The following FIS1 variants were observed in gnomAD, a reference collection of about 807,000 sequenced individuals.
FIS1 encodes fission, mitochondrial 1.
FIS1 carries 16 observed loss-of-function variants against 21.6 expected under a neutral mutation model. The observed-to-expected ratio is 0.74, with a 90% confidence interval of 0.50 to 1.12. The LOEUF (loss-of-function observed/expected upper bound fraction) is 1.12. FIS1 is among the 50% of genes most tolerant of loss of function. The pLI is 0.00. For synonymous variants in FIS1, 92 were observed against 82.2 expected (o/e 1.12, Z -0.65); for missense variants, 198 against 190.9 (o/e 1.04, Z -0.22).
chr7:101,241,017 G>GGACTGTGACCC, intron 2 of FIS1, 111 bp from the exon 3 acceptor site: 2 of 1,042,516 alleles, frequency 1.9e-6, no homozygotes, highest in Non-Finnish European at 2.9e-6. Flanking sequence ...TCCTGGGAGG[G>GGACTGTGACCC]TCACAGTCCT....
chr7:101,244,765 C>T (rs1798793196), intron 1 of FIS1, 195 bp downstream of exon 1: 2 of 640,806 alleles, frequency 3.1e-6, no homozygotes, highest in Non-Finnish European at 5.5e-6. Flanking sequence ...GGGCTCAGGA[C>T]ACTACAACTC....
At chr7:101,241,345 C>T (rs985142576) in intron 2 of FIS1, among the ~76,000 whole-genome samples, 1 of 152,024 alleles carries the variant, frequency 6.6e-6, no homozygotes, top group Non-Finnish European at 1.5e-5. Context: ...CTCGGTTTCC[C>T]GAGCAGCTGG....
At chr7:101,243,061 C>T (rs1270385920) in intron 2 of FIS1, among the ~76,000 whole-genome samples, 1 of 152,008 alleles carries the variant, frequency 6.6e-6, no homozygotes. Context: ...AAATACCATG[C>T]GATTTTATAT....
chr7:101,241,231 A>AT (rs1250645586), intron 2 of FIS1: 32 of 277,440 alleles, frequency 1.2e-4, no homozygotes, highest in East Asian at 4.1e-4. Flanking sequence ...CTGCTGTGGT[A>AT]TTTTTTTTCA....
In FIS1 at chr7:101,244,154, G is replaced by T. The variant is rs1175026580; in HGVS notation, c.46-15C>A. On this transcript the variant is annotated splice_polypyrimidine_tract_variant and intron_variant, in intron 1 of 4. Coordinates refer to ENST00000223136, the MANE Select transcript of FIS1 (RefSeq NM_016068.3). ...TTTTCAAACTTCTGCCACAGGGGAG[G>T]AAAGGAATCATTTAGAAATGTAGGG... The T allele has an allele frequency of 1.2e-6, 2 of 1,611,414 alleles. No homozygotes were observed. The highest frequency in any genetic ancestry group is 1.7e-6 in the Non-Finnish European group (2 of 1,178,514).
intron 1 of FIS1, 102 bp downstream of exon 1, chr7:101,244,858 C>G: frequency 1.3e-6 from 2 of 1,485,702 alleles, no homozygotes; most frequent in East Asian, 2.3e-5. Flanking sequence ...TTCGGCTTCC[C>G]TCGGCCAAGC....
chr7:101,240,875 C>G lies in FIS1; in HGVS notation c.210G>C (p.Gln70His). ...ELLPKGSKEEQRDYVFYLAVG... is the reference protein window; with the variant it reads ...ELLPKGSKEEHRDYVFYLAVG... ...CGGCCAGGTAGAAGACGTAATCCCGCTGTTCCTCCTTGCTCCCTTTGGGCA... is the reference window on the plus strand; with the variant it reads ...CGGCCAGGTAGAAGACGTAATCCCGGTGTTCCTCCTTGCTCCCTTTGGGCA... The change falls in exon 3 of 5, where the codon CAG (glutamine) becomes CAC (histidine). Residue 70 changes from glutamine to histidine, a missense_variant. Transcript: ENST00000223136. 6.2e-7 allele frequency: 1 copy of G among 1,614,150 alleles called. No individual in the cohort carries two copies. Among genetic ancestry groups the G allele is most frequent in the Non-Finnish European group, 8.5e-7 (1 of 1,180,044 alleles).
intron 2 of FIS1, among the ~76,000 whole-genome samples, chr7:101,242,490 T>G (rs935362880): frequency 4.1e-5 from 6 of 148,020 alleles, no homozygotes; most frequent in Admixed American, 1.3e-4. Context: ...TTTTATAGTT[T>G]TTTTTTTTTT....
Position 101,239,654 on chromosome 7 carries a change from C to T in FIS1, c.*152G>A, listed in dbSNP as rs1354827437. The T allele has an allele frequency of 5.5e-6, 4 of 726,140 alleles. No homozygotes were observed. The highest frequency in any genetic ancestry group is 1.7e-5 in the African/African-American group (1 of 57,556). The allele number at this position is 726,140 out of a possible 1,614,324, so 45.0% of individuals were successfully genotyped here. A position where few individuals can be genotyped will look rare whatever the true frequency, so the allele number is the denominator to read the frequency against. ...CGTTTTATTTACACTCATCCCAAAGCACATGATGGGGCTGAAGGACGAATC... is the reference window on the plus strand; with the variant it reads ...CGTTTTATTTACACTCATCCCAAAGTACATGATGGGGCTGAAGGACGAATC... On this transcript the variant is annotated 3_prime_UTR_variant, in exon 5 of 5. Transcript: ENST00000223136.
chr7:101,240,015 G>A, intron 4 of FIS1, 112 bp from the exon 5 acceptor site: 1 of 1,413,306 alleles, frequency 7.1e-7, no homozygotes, highest in Non-Finnish European at 9.8e-7. Flanking sequence ...GGAGTCGCAG[G>A]GCAAGGGGCT....
intron 1 of FIS1, 60 bp downstream of exon 1, chr7:101,244,900 G>A (rs1020062086): frequency 2.5e-6 from 4 of 1,601,206 alleles, no homozygotes; most frequent in Non-Finnish European, 3.4e-6. Flanking sequence ...GCCCCTACCT[G>A]ACTCTCCTCA....
In FIS1 at chr7:101,244,135, A is replaced by G. The variant is rs1798783546; in HGVS notation, c.50T>C (p.Phe17Ser). The G allele has an allele frequency of 2.5e-6, 4 of 1,613,206 alleles. No individual in the cohort carries two copies. The highest frequency in any genetic ancestry group is 3.4e-6 in the Non-Finnish European group (4 of 1,179,434). Residue 17 changes from phenylalanine (F) to serine (S), a missense_variant, in exon 2 of 5, where the codon TTT (phenylalanine) becomes TCT (serine). By Grantham distance (155) the Phe-to-Ser change is radical. Transcript: ENST00000223136. ...ELVSVEDLLK[F>S]EKKFQSEKAA... ...CTTCTCAGACTGAAATTTCTTTTCAAACTTCTGCCACAGGGGAGGAAAGGA... is the reference window on the plus strand; with the variant it reads ...CTTCTCAGACTGAAATTTCTTTTCAGACTTCTGCCACAGGGGAGGAAAGGA...
chr7:101,244,967 T>C lies in FIS1; in HGVS notation c.38A>G (p.Asp13Gly), dbSNP rs200920489. 1.2e-5 allele frequency: 20 copies of C among 1,613,900 alleles called. No homozygotes were observed. Among genetic ancestry groups the C allele is most frequent in the Non-Finnish European group, 3.4e-6 (4 of 1,179,956 alleles). ...GTCCGGGCCAGGCCTCACCAGCAGG[T>C]CCTCCACAGACACCAGCTCGTTCAG... Reference protein sequence around the residue: ...AVLNELVSVEDLLKFEKKFQS... With the variant: ...AVLNELVSVEGLLKFEKKFQS... The change falls in exon 1 of 5, where the codon GAC becomes GGC. Residue 13 changes from aspartate to glycine, a missense_variant. By Grantham distance (94) the Asp-to-Gly change is moderately conservative. Coordinates refer to ENST00000223136, the MANE Select transcript of FIS1 (RefSeq NM_016068.3).
At position 101,240,263 on chromosome 7, in the gene FIS1, C is replaced by T. The variant is rs767029013; in HGVS notation, c.256-16G>A. 2 of 1,612,362 alleles carry T rather than the reference C, an allele frequency of 1.2e-6. No homozygotes were observed. The highest frequency in any genetic ancestry group is 2.2e-5 in the South Asian group (2 of 91,040). On this transcript the variant is annotated splice_polypyrimidine_tract_variant and intron_variant, in intron 3 of 4. Transcript: ENST00000223136. The stretch of plus-strand genomic sequence containing the variant: ...TCTCGTATTCCTGCGCTCGGGGAAA[C>T]GCGCACGCGTCATACACACCGCAGT...
At chr7:101,240,287 G>T in intron 3 of FIS1, 40 bp from the exon 4 acceptor site, 1 of 1,589,886 alleles carries the variant, frequency 6.3e-7, no homozygotes, top group Non-Finnish European at 8.6e-7. Context: ...ACACACCGCA[G>T]TGTTTTTTTG....
In FIS1 at chr7:101,243,512, T is replaced by C. The variant is rs530375355; in HGVS notation, c.178+495A>G. 3.0e-4 allele frequency among the ~76,000 whole-genome samples: 45 copies of C among 152,200 alleles called. 1 individual carries two copies. In the South Asian group the frequency reaches 9.3e-3, roughly 32 times the overall value. On this transcript the variant is annotated intron_variant, in intron 2 of 4. Coordinates refer to ENST00000223136, the MANE Select transcript of FIS1 (RefSeq NM_016068.3). ...AATTGCTTGAACCGGGAGGTGGTGG[T>C]TGCAGTGAGCTGAGACAGCGCCACT...
At chr7:101,244,575 C>T in intron 1 of FIS1, 2 of 363,644 alleles carry the variant, frequency 5.5e-6, no homozygotes, top group Non-Finnish European at 1.0e-5. Context: ...GCTACAAAGA[C>T]TGAGATCTGG....
Position 101,244,756 on chromosome 7 carries a change from G to A in FIS1, c.45+204C>T, listed in dbSNP as rs376910051. 1.6e-4 allele frequency: 97 copies of A among 605,468 alleles called. 1 individual carries two copies. The East Asian group carries it at 1.9e-3, about 12-fold the overall frequency. The allele number at this position is 605,468 out of a possible 1,614,324, so 37.5% of individuals were successfully genotyped here. ...CAGGCCCGTAGTCTGAGGTGTGGGG[G>A]GCTCAGGACACTACAACTCCCAGGA... On this transcript the variant is annotated intron_variant, in intron 1 of 4. Coordinates refer to ENST00000223136, the MANE Select transcript of FIS1 (RefSeq NM_016068.3).
chr7:101,241,001 C>T, intron 2 of FIS1, 95 bp from the exon 3 acceptor site: 1 of 1,228,212 alleles, frequency 8.1e-7, no homozygotes, highest in Non-Finnish European at 1.2e-6. Flanking sequence ...CTGAATGCCT[C>T]TGTGATCCTG....
Sources: gnomAD v4.1 joint callset for allele counts (sites outside exome capture counted in the v4.1 genomes callset) on GRCh38, gnomAD v4.1.1 for gene constraint, MANE v1.5 for transcripts, NCBI Gene and HGNC (gene_info 2026-07-23, HGNC 2026-07-21) for gene names.